Variants in DLG2 observed in about 807,000 individuals in gnomAD.
The protein encoded by DLG2 is disks large homolog 2.
A neutral mutation model predicts 132.5 loss-of-function variants in DLG2; 45 were observed. The observed-to-expected ratio is 0.34, with a 90% CI of 0.27 to 0.44. The LOEUF (loss-of-function observed/expected upper bound fraction) is 0.44. Among genes scored for constraint, DLG2 ranks in the 20% least tolerant of loss-of-function variants. The pLI is 1.00. For missense variants in DLG2, 1,045 were observed against 1,196.9 expected, an observed-to-expected ratio of 0.87 and a Z score of 1.87; for synonymous variants, 424 against 419.6, an observed-to-expected ratio of 1.01 and a Z score of -0.13.
intron 6 of DLG2, among the ~76,000 whole-genome samples, chr11:84,963,809 C>G (rs1459996894): frequency 1.3e-5 from 2 of 152,248 alleles, no homozygotes; most frequent in East Asian, 3.9e-4. Context: ...CTGCAGGTAA[C>G]TTGGCATCAG....
chr11:83,751,333 T>C (rs1324528456), intron 18 of DLG2, among the ~76,000 whole-genome samples: 2 of 151,718 alleles, frequency 1.3e-5, no homozygotes, highest in Non-Finnish European at 2.9e-5. Context: ...AGAGAGTAAA[T>C]GGGAAATGGG....
chr11:84,150,372 A>C (rs182731752), intron 9 of DLG2, among the ~76,000 whole-genome samples: 77 of 152,212 alleles, frequency 5.1e-4, no homozygotes, highest in African/African-American at 1.8e-3. Context: ...TCTCAGCTTG[A>C]ACATTATTGT....
intron 6 of DLG2, among the ~76,000 whole-genome samples, chr11:84,716,165 T>C (rs906042945): frequency 1.3e-5 from 2 of 152,074 alleles, no homozygotes; most frequent in Admixed American, 1.3e-4. Flanking sequence ...TACTTAACGA[T>C]GTTGAGCACC....
chr11:83,946,172 G>A (rs918649641), intron 14 of DLG2, among the ~76,000 whole-genome samples: 10 of 151,790 alleles, frequency 6.6e-5, no homozygotes, highest in Admixed American at 1.3e-4. Flanking sequence ...GTATTTTTAG[G>A]AGAGATGTGG....
intron 3 of DLG2, among the ~76,000 whole-genome samples, chr11:85,335,720 C>T (rs1240222318): frequency 6.6e-6 from 1 of 151,918 alleles, no homozygotes; most frequent in Non-Finnish European, 1.5e-5. Flanking sequence ...CGCATGTTCT[C>T]ACTCATAATT....
intron 6 of DLG2, among the ~76,000 whole-genome samples, chr11:84,591,283 T>C (rs1486766146): frequency 1.4e-5 from 2 of 147,458 alleles, no homozygotes; most frequent in Admixed American, 1.4e-4. Context: ...TACATAATAT[T>C]GATCAGGGAA....
intron 7 of DLG2, among the ~76,000 whole-genome samples, chr11:84,343,636 T>C (rs2098525878): frequency 6.6e-6 from 1 of 152,266 alleles, no homozygotes; most frequent in Non-Finnish European, 1.5e-5. Flanking sequence ...TTATACCTGA[T>C]TTTGTGCTTC....
chr11:84,999,612 G>A (rs925956328), intron 6 of DLG2, among the ~76,000 whole-genome samples: 2 of 152,132 alleles, frequency 1.3e-5, no homozygotes, highest in African/African-American at 4.8e-5. Flanking sequence ...GTGGGTTGTG[G>A]TTTCAGTTGT....
chr11:85,077,618 T>C (rs189666841), intron 6 of DLG2, among the ~76,000 whole-genome samples: 25 of 148,524 alleles, frequency 1.7e-4, no homozygotes, highest in Non-Finnish European at 3.4e-4. Flanking sequence ...TAAAAATACA[T>C]TTAACATCAT....
At chr11:83,689,589 T>C (rs2153614837) in intron 18 of DLG2, among the ~76,000 whole-genome samples, 1 of 152,254 alleles carries the variant, frequency 6.6e-6, no homozygotes, top group South Asian at 2.1e-4. Flanking sequence ...TATTATCTAG[T>C]TCATATAGCT....
chr11:85,010,726 T>A (rs1592642528), intron 6 of DLG2, among the ~76,000 whole-genome samples: 1 of 152,248 alleles, frequency 6.6e-6, no homozygotes, highest in East Asian at 1.9e-4. Context: ...TTGCTTGGTA[T>A]TTCACTTATG....
At chr11:84,077,886 C>A (rs2096850633) in intron 10 of DLG2, among the ~76,000 whole-genome samples, 1 of 151,996 alleles carries the variant, frequency 6.6e-6, no homozygotes, top group Non-Finnish European at 1.5e-5. Flanking sequence ...TATTGATCAC[C>A]CTAGCATACT....
chr11:84,278,921 C>T (rs949935639), intron 7 of DLG2, among the ~76,000 whole-genome samples: 5 of 151,850 alleles, frequency 3.3e-5, no homozygotes, highest in African/African-American at 7.3e-5. Flanking sequence ...CCCATCAACC[C>T]GTCACAAAAA....
intron 7 of DLG2, among the ~76,000 whole-genome samples, chr11:84,405,214 A>G (rs1241164270): frequency 6.6e-6 from 1 of 152,150 alleles, no homozygotes; most frequent in African/African-American, 2.4e-5. Context: ...TATGTTAGCA[A>G]TTTTCAATTT....
intron 6 of DLG2, among the ~76,000 whole-genome samples, chr11:85,079,022 AG>A (rs11321504): frequency 0.38 from 57,682 of 150,012 alleles, 11,164 homozygotes; most frequent in South Asian, 0.56. Flanking sequence ...TATGTGTTTT[AG>A]GGGGGGGGTC....
intron 5 of DLG2, among the ~76,000 whole-genome samples, chr11:85,138,205 T>A (rs1437525560): frequency 6.6e-6 from 1 of 152,202 alleles, no homozygotes; most frequent in Non-Finnish European, 1.5e-5. Context: ...GATAGCCATG[T>A]AGCTCTCCCA....
intron 18 of DLG2, among the ~76,000 whole-genome samples, chr11:83,705,940 C>G (rs1037314482): frequency 1.3e-5 from 2 of 152,102 alleles, no homozygotes; most frequent in Non-Finnish European, 1.5e-5. Flanking sequence ...AAAACTAGGC[C>G]GGGCGTGGTG....
chr11:83,563,910 T>G (rs181239931), intron 19 of DLG2, among the ~76,000 whole-genome samples: 3 of 152,352 alleles, frequency 2.0e-5, no homozygotes, highest in Admixed American at 1.3e-4. Context: ...CACTTCACTG[T>G]CTTCGTAGCA....
chr11:84,414,306 C>T (rs2098921124), intron 7 of DLG2, among the ~76,000 whole-genome samples: 1 of 152,116 alleles, frequency 6.6e-6, no homozygotes, highest in Non-Finnish European at 1.5e-5. Flanking sequence ...GATAGTCTGA[C>T]TACACTGAAC....
Sources: allele counts gnomAD v4.1 joint callset (sites outside exome capture counted in the v4.1 genomes callset), GRCh38; gene constraint gnomAD v4.1.1; transcripts MANE v1.5; gene names NCBI Gene and HGNC (gene_info 2026-07-23, HGNC 2026-07-21).